The following XPO6 variants were observed in gnomAD, a reference collection of about 807,000 sequenced individuals.
XPO6 encodes the protein exportin 6.
Under a neutral mutation model 130.0 loss-of-function variants are expected in XPO6, and 3 were observed. The ratio of observed to expected loss-of-function variants is 0.02; its 90% confidence interval spans 0.01 to 0.06. XPO6 has a LOEUF of 0.06. Ranked by LOEUF, XPO6 falls within the 10% of genes least tolerant of loss-of-function variation. The pLI is 1.00. For missense variants in XPO6, 970 were observed against 1,393.0 expected, an observed-to-expected ratio of 0.70 and a Z score of 4.83; for synonymous variants, 524 against 548.9, an observed-to-expected ratio of 0.95 and a Z score of 0.63.
chr16:28,166,785 T>G, intron 5 of XPO6, 200 bp from the exon 6 acceptor site: 2 of 985,440 alleles, frequency 2.0e-6, no homozygotes, highest in Non-Finnish European at 2.4e-6. Flanking sequence ...CACTGTGGCC[T>G]TGTGGTGTGG....
intron 1 of XPO6, among the ~76,000 whole-genome samples, chr16:28,197,524 T>C (rs2043884063): frequency 6.6e-6 from 1 of 152,168 alleles, no homozygotes; most frequent in Admixed American, 6.6e-5. Context: ...ACAATTTTCT[T>C]AAGATTACCC....
intron 6 of XPO6, among the ~76,000 whole-genome samples, chr16:28,166,089 G>A (rs1446252691): frequency 6.6e-6 from 1 of 152,078 alleles, no homozygotes; most frequent in East Asian, 1.9e-4. Context: ...CCACTATGCA[G>A]GCAGAGAGGT....
At chr16:28,112,065 T>C (rs774012508) in intron 16 of XPO6, 59 bp from the exon 17 acceptor site, 3 of 1,538,560 alleles carry the variant, frequency 1.9e-6, no homozygotes, top group Non-Finnish European at 2.6e-6. Flanking sequence ...TGGTGCGGCA[T>C]GCCCAACACA....
rs71140948 is a variant in XPO6, at chr16:28,140,693, A to AT, written c.1335-5370dup. 2.5e-3 allele frequency among the ~76,000 whole-genome samples: 364 copies of AT among 147,774 alleles called. 1 individual carries two copies. The highest frequency in any genetic ancestry group is 7.2e-3 in the African/African-American group (290 of 40,178). Reference sequence around the variant, plus strand: ...CCCCGTCTCAAAAAAAAAAAAAAAAATTTTTTTTGAGGGATAAAGCTAAAG... The same window carrying AT: ...CCCCGTCTCAAAAAAAAAAAAAAAAATTTTTTTTTGAGGGATAAAGCTAAAG... On this transcript the variant is annotated intron_variant, in intron 9 of 23. Coordinates refer to ENST00000304658, the MANE Select transcript of XPO6 (RefSeq NM_015171.4).
intron 14 of XPO6, among the ~76,000 whole-genome samples, chr16:28,120,778 G>A (rs867956972): frequency 6.6e-6 from 1 of 152,206 alleles, no homozygotes; most frequent in Non-Finnish European, 1.5e-5. Flanking sequence ...ATGCTCTACA[G>A]CAGGAGTCGG....
chr16:28,178,270 T>TA (rs1349045003), intron 2 of XPO6, among the ~76,000 whole-genome samples: 1 of 151,960 alleles, frequency 6.6e-6, no homozygotes, highest in Admixed American at 6.5e-5. Flanking sequence ...GCAGTCTCAT[T>TA]AAAAAATCCA....
chr16:28,175,797 T>C, intron 4 of XPO6, 101 bp downstream of exon 4: 1 of 1,039,052 alleles, frequency 9.6e-7, no homozygotes, highest in Non-Finnish European at 1.4e-6. Context: ...ACTACTGCAG[T>C]TCCAAACTGC....
In XPO6 at chr16:28,156,268, C is replaced by G. The variant is rs776313555; in HGVS notation, c.903G>C (p.Ser301=). 6.2e-7 allele frequency: 1 copy of G among 1,614,114 alleles called. No individual in the cohort carries two copies. Among genetic ancestry groups the G allele is most frequent in the East Asian group, 2.2e-5 (1 of 44,888 alleles). The change falls in exon 7 of 24, where the codon TCG becomes TCC. Residue 301 remains serine (S), a synonymous_variant. Transcript: ENST00000304658. ...SVNGSSQNCV[S]GQERGRLGVL... is the part of the protein sequence containing the mutation. ...CCCCCAGCCGGCCGCGCTCCTGACC[C>G]GAGACACAGTTCTGGCTGCTGCCGT...
chr16:28,207,199 G>C (rs1389589743), intron 1 of XPO6, among the ~76,000 whole-genome samples: 1 of 151,004 alleles, frequency 6.6e-6, no homozygotes, highest in Non-Finnish European at 1.5e-5. Context: ...AGTAAGCCAA[G>C]ATCGTACCAC....
chr16:28,098,646 G>A lies in XPO6; in HGVS notation c.3277-7C>T. On this transcript the variant is annotated splice_polypyrimidine_tract_variant and splice_region_variant and intron_variant, in intron 23 of 23. Transcript: ENST00000304658. ...GGGTGAATGAGGGCAGGTCCTGGAA[G>A]GCAGGGGCATAGCTGCAGCCAACAA... 6.2e-7 allele frequency: 1 copy of A among 1,606,150 alleles called. No individual in the cohort carries two copies.
chr16:28,124,324 T>C lies in XPO6; in HGVS notation c.1766+1365A>G, dbSNP rs570716585. Reference sequence around the variant, plus strand: ...CTGCCCGCCTCAGCCTCCCAAAGTGTTGGGATTACGGGCGTGAGCCACTGC... The same window carrying C: ...CTGCCCGCCTCAGCCTCCCAAAGTGCTGGGATTACGGGCGTGAGCCACTGC... On this transcript the variant is annotated intron_variant, in intron 13 of 23. Coordinates refer to ENST00000304658, the MANE Select transcript of XPO6 (RefSeq NM_015171.4). Among the ~76,000 whole-genome samples, 5 of 152,308 alleles carry C rather than the reference T, an allele frequency of 3.3e-5. No individual in the cohort carries two copies. In the East Asian group the frequency reaches 9.7e-4, roughly 29 times the overall value.
chr16:28,187,545 T>C (rs2043715097), intron 1 of XPO6, among the ~76,000 whole-genome samples: 1 of 151,754 alleles, frequency 6.6e-6, no homozygotes, highest in Non-Finnish European at 1.5e-5. Flanking sequence ...TATTGGGTCA[T>C]TCTGAGAATT....
intron 2 of XPO6, 55 bp downstream of exon 2, chr16:28,180,886 C>T: frequency 6.9e-7 from 1 of 1,446,044 alleles, no homozygotes; most frequent in Admixed American, 1.9e-5. Flanking sequence ...CTCCTTCCTC[C>T]CTACCAGGGC....
At chr16:28,136,323 G>C (rs1299886486) in intron 9 of XPO6, among the ~76,000 whole-genome samples, 1 of 152,292 alleles carries the variant, frequency 6.6e-6, no homozygotes, top group East Asian at 1.9e-4. Flanking sequence ...CAGGTTCAGT[G>C]ATTCTCATGC....
At chr16:28,122,627 T>C (rs2141267201) in intron 13 of XPO6, among the ~76,000 whole-genome samples, 1 of 152,072 alleles carries the variant, frequency 6.6e-6, no homozygotes, top group East Asian at 1.9e-4. Flanking sequence ...TTTGTTTGTT[T>C]TGTTTTGTTT....
intron 7 of XPO6, 145 bp from the exon 8 acceptor site, chr16:28,152,930 C>A: frequency 7.3e-7 from 1 of 1,371,034 alleles, no homozygotes; most frequent in Non-Finnish European, 9.4e-7. Flanking sequence ...CAACAATTAC[C>A]TACAGGACAG....
rs137993656 is a variant in XPO6, at chr16:28,106,690, T to A, written c.2498-193A>T. 2.3e-3 allele frequency among the ~76,000 whole-genome samples: 344 copies of A among 152,296 alleles called. 1 individual carries two copies. The highest frequency in any genetic ancestry group is 4.1e-3 in the Non-Finnish European group (277 of 68,024). On this transcript the variant is annotated intron_variant, in intron 18 of 23. Coordinates refer to ENST00000304658, the MANE Select transcript of XPO6 (RefSeq NM_015171.4). This position sits in a 1 kb window ranked among gnomAD's most constrained non-coding sequence, Gnocchi z 4.2. ...ATTAGGGACATGCTGAGAAAATAGTTCTGGTATAGGGAACCTCCACCTGGT... is the reference window on the plus strand; with the variant it reads ...ATTAGGGACATGCTGAGAAAATAGTACTGGTATAGGGAACCTCCACCTGGT...
chr16:28,194,261 T>TA (rs200363240), intron 1 of XPO6, among the ~76,000 whole-genome samples: 1 of 152,202 alleles, frequency 6.6e-6, no homozygotes, highest in East Asian at 1.9e-4. Context: ...AAATCCTACA[T>TA]AAAAAATTAG....
rs529349808 is a variant in XPO6, at chr16:28,104,461, G to A, written c.2946+85C>T. On this transcript the variant is annotated intron_variant, in intron 21 of 23. Transcript: ENST00000304658. ...ACAGGCAGAACTGAGCTTCAGACCC[G>A]AGACTGTGGGGCTTCGAAGACAGGA... The A allele has an allele frequency of 1.3e-4, 200 of 1,525,984 alleles. 1 individual carries two copies. Among genetic ancestry groups the A allele is most frequent in the Admixed American group, 3.5e-4 (19 of 53,654 alleles). The allele number at this position is 1,525,984 out of a possible 1,614,324, so 94.5% of individuals were successfully genotyped here.
Sources: allele counts gnomAD v4.1 joint callset (sites outside exome capture counted in the v4.1 genomes callset), GRCh38; gene constraint gnomAD v4.1.1; non-coding constraint Gnocchi (gnomAD v3.1); transcripts MANE v1.5; gene names NCBI Gene and HGNC (gene_info 2026-07-23, HGNC 2026-07-21).